Variants in FRAS1 observed in about 807,000 individuals in gnomAD.
FRAS1 encodes the protein extracellular matrix organizing protein FRAS1.
FRAS1 carries 290 observed loss-of-function variants against 435.2 expected under a neutral mutation model. The ratio of observed to expected loss-of-function variants is 0.67; its 90% CI spans 0.61 to 0.73. FRAS1 has a LOEUF of 0.73. Ranked by LOEUF, FRAS1 falls within the 30% of genes least tolerant of loss-of-function variation. The probability of loss-of-function intolerance (pLI) is 0.00; values close to 1 mark genes in which losing one functional copy is unlikely to be tolerated. For synonymous variants in FRAS1, 1,800 were observed against 1,851.0 expected, an observed-to-expected ratio of 0.97 and a Z score of 0.71; for missense variants, 4,860 against 5,001.5, an observed-to-expected ratio of 0.97 and a Z score of 0.85.
intron 71 of FRAS1, 82 bp downstream of exon 71, chr4:78,534,697 G>A (rs1412166209): frequency 3.7e-6 from 5 of 1,341,846 alleles, no homozygotes; most frequent in Non-Finnish European, 5.2e-6. Flanking sequence ...TGGCATCTCT[G>A]CTCATATGCT....
intron 22 of FRAS1, among the ~76,000 whole-genome samples, chr4:78,365,148 A>G (rs927985829): frequency 6.6e-6 from 1 of 152,222 alleles, no homozygotes; most frequent in Non-Finnish European, 1.5e-5. Context: ...AGATATTTCT[A>G]TTTTATAGAT....
chr4:78,475,740 C>T, intron 54 of FRAS1, 134 bp downstream of exon 54: 1 of 764,458 alleles, frequency 1.3e-6, no homozygotes, highest in Non-Finnish European at 2.0e-6. Context: ...AATAGTTTTC[C>T]TATGTTCCCC....
chr4:78,354,896 T>C (rs1379461703), intron 20 of FRAS1, among the ~76,000 whole-genome samples: 1 of 152,214 alleles, frequency 6.6e-6, no homozygotes, highest in Non-Finnish European at 1.5e-5. Flanking sequence ...AAATAAATTA[T>C]TTCACTGCCA....
At chr4:78,069,604 A>C (rs986392031) in intron 2 of FRAS1, among the ~76,000 whole-genome samples, 2 of 152,110 alleles carry the variant, frequency 1.3e-5, no homozygotes, top group African/African-American at 4.8e-5. Flanking sequence ...AATGAGGACA[A>C]AGAAAGCCTC....
At chr4:78,082,182 G>T (rs1266252759) in intron 2 of FRAS1, among the ~76,000 whole-genome samples, 1 of 152,026 alleles carries the variant, frequency 6.6e-6, no homozygotes, top group East Asian at 1.9e-4. Flanking sequence ...ATAGCAATTT[G>T]ATTCCCACTG....
In FRAS1 at chr4:78,251,266, C is replaced by T. The variant is rs917129207; in HGVS notation, c.310-1126C>T. Among the ~76,000 whole-genome samples the T allele has an allele frequency of 2.6e-5, 4 of 152,116 alleles. No homozygotes were observed. The East Asian group carries it at 5.8e-4, about 22-fold the overall frequency. On this transcript the variant is annotated intron_variant, in intron 4 of 73. Transcript: ENST00000512123. ...TAAGAATGGATGGGAGAGGACTTGA[C>T]CTTTGTATCTGTGTCCATTCCTGCT... is the stretch of plus-strand genomic sequence containing the variant.
At chr4:78,068,170 C>T (rs1475487949) in intron 2 of FRAS1, among the ~76,000 whole-genome samples, 1 of 152,102 alleles carries the variant, frequency 6.6e-6, no homozygotes. Flanking sequence ...TGCCTGCCTT[C>T]ATAGAGCTTG....
At chr4:78,500,020 A>G (rs1305556236) in intron 61 of FRAS1, 99 bp downstream of exon 61, 1 of 976,310 alleles carries the variant, frequency 1.0e-6, no homozygotes, top group Non-Finnish European at 1.4e-6. Flanking sequence ...AAAAAGGAAA[A>G]CAGTAGTTCC....
intron 45 of FRAS1, 117 bp downstream of exon 45, chr4:78,450,456 G>T (rs1004523410): frequency 2.5e-6 from 2 of 797,306 alleles, no homozygotes; most frequent in East Asian, 5.1e-5. Flanking sequence ...GTTTTGAGGA[G>T]CTTCATTTGT....
intron 14 of FRAS1, among the ~76,000 whole-genome samples, chr4:78,287,437 A>G (rs1412050777): frequency 6.6e-6 from 1 of 152,212 alleles, no homozygotes; most frequent in Non-Finnish European, 1.5e-5. Flanking sequence ...GTGCCCAGAA[A>G]CTAAGGCAGG....
intron 2 of FRAS1, among the ~76,000 whole-genome samples, chr4:78,182,421 G>C (rs772890674): frequency 2.6e-5 from 4 of 152,186 alleles, no homozygotes; most frequent in Non-Finnish European, 5.9e-5. Context: ...AGGTAACCAG[G>C]CAAAGAAGAA....
At position 78,308,107 on chromosome 4, in the gene FRAS1, A is replaced by G. The variant is rs776537002; in HGVS notation, c.1576A>G (p.Lys526Glu). The G allele has an allele frequency of 2.5e-6, 4 of 1,613,744 alleles. No homozygotes were observed. Among genetic ancestry groups the G allele is most frequent in the Non-Finnish European group, 2.5e-6 (3 of 1,179,770 alleles). ...TGCAGGTTGCTGGGGCCCAACGGAG[A>G]AGCACTGCTTGGCCTGCAGAGATCC... ...SCAGCWGPTEKHCLACRDPLH... is the reference protein window; with the variant it reads ...SCAGCWGPTEEHCLACRDPLH... Residue 526 changes from lysine (K) to glutamate (E), a missense_variant, in exon 15 of 74, where the codon AAG becomes GAG. Coordinates refer to ENST00000512123, the MANE Select transcript of FRAS1 (RefSeq NM_025074.7).
intron 19 of FRAS1, among the ~76,000 whole-genome samples, chr4:78,336,256 C>CT: frequency 6.6e-6 from 1 of 152,300 alleles, no homozygotes; most frequent in South Asian, 2.1e-4. Context: ...TTTAAATACT[C>CT]TGTCAAGCTC....
intron 36 of FRAS1, among the ~76,000 whole-genome samples, 158 bp downstream of exon 36, chr4:78,429,384 AC>A (rs1734124290): frequency 1.3e-5 from 2 of 152,032 alleles, no homozygotes; most frequent in South Asian, 4.2e-4. Context: ...TTCTATGCAA[AC>A]AGAAGCCGCA....
chr4:78,532,238 C>T (rs962455225), intron 70 of FRAS1, among the ~76,000 whole-genome samples: 1 of 152,188 alleles, frequency 6.6e-6, no homozygotes, highest in African/African-American at 2.4e-5. Flanking sequence ...GTATTGCACA[C>T]ACTCTTACCC....
In FRAS1 at chr4:78,358,042, C is replaced by G. The variant is rs1015391608; in HGVS notation, c.2423-5471C>G. ...TTCCTGGTCCAATGGGGGATGGTGA[C>G]AGTGGATGAGGAAGGAACTCACTGA... On this transcript the variant is annotated intron_variant, in intron 20 of 73. Transcript: ENST00000512123. Among the ~76,000 whole-genome samples the G allele has an allele frequency of 2.6e-5, 4 of 152,032 alleles. No homozygotes were observed. The South Asian group carries it at 8.3e-4, about 32-fold the overall frequency.
chr4:78,264,086 A>G (rs1726239850), intron 6 of FRAS1, among the ~76,000 whole-genome samples: 1 of 152,198 alleles, frequency 6.6e-6, no homozygotes, highest in African/African-American at 2.4e-5. Context: ...TATAAGATCT[A>G]CCACTTCTTA....
intron 2 of FRAS1, among the ~76,000 whole-genome samples, chr4:78,104,091 C>T (rs927912243): frequency 2.0e-5 from 3 of 152,218 alleles, no homozygotes; most frequent in Non-Finnish European, 4.4e-5. Flanking sequence ...CACTACGAAA[C>T]TGTGACTGTT....
At chr4:78,449,948 G>C (rs191220661) in intron 44 of FRAS1, among the ~76,000 whole-genome samples, 66 of 152,200 alleles carry the variant, frequency 4.3e-4, no homozygotes, top group African/African-American at 1.6e-3. Flanking sequence ...GTTGACTCAA[G>C]GGAAAATTAG....
Sources: gnomAD v4.1 joint callset for allele counts (sites outside exome capture counted in the v4.1 genomes callset) on GRCh38, gnomAD v4.1.1 for gene constraint, MANE v1.5 for transcripts, NCBI Gene and HGNC (gene_info 2026-07-23, HGNC 2026-07-21) for gene names.